Variants in NLGN1 observed in about 807,000 individuals in gnomAD.
NLGN1 encodes the protein neuroligin-1.
A neutral mutation model predicts 65.5 loss-of-function variants in NLGN1; 12 were observed. That is an observed-to-expected ratio of 0.18 (90% confidence interval 0.12 to 0.30). The LOEUF (loss-of-function observed/expected upper bound fraction) is 0.30. NLGN1 is among the 10% of genes least tolerant of loss of function. The pLI, the probability that NLGN1 is intolerant of heterozygous loss-of-function variation, is 1.00. For synonymous variants in NLGN1, 350 were observed against 359.5 expected (o/e 0.97, Z 0.30); for missense variants, 750 against 1,007.1 (o/e 0.74, Z 3.46).
At chr3:173,663,873 T>C (rs1005673580) in intron 3 of NLGN1, among the ~76,000 whole-genome samples, 4 of 151,282 alleles carry the variant, frequency 2.6e-5, no homozygotes, top group African/African-American at 9.7e-5. Flanking sequence ...TTTTTTTTTT[T>C]CCATTATGAG....
At chr3:173,710,628 A>G (rs1483414772) in intron 3 of NLGN1, among the ~76,000 whole-genome samples, 1 of 152,188 alleles carries the variant, frequency 6.6e-6, no homozygotes, top group African/African-American at 2.4e-5. Flanking sequence ...CTTTGATAGC[A>G]TGGGTTTTGT....
chr3:173,779,505 T>A (rs1482620191), intron 3 of NLGN1, among the ~76,000 whole-genome samples: 1 of 152,024 alleles, frequency 6.6e-6, no homozygotes, highest in Non-Finnish European at 1.5e-5. Flanking sequence ...TTAACAAAAT[T>A]TTACGGAGTC....
intron 2 of NLGN1, among the ~76,000 whole-genome samples, chr3:173,598,542 C>T (rs575343656): frequency 1.3e-5 from 2 of 152,104 alleles, no homozygotes; most frequent in Non-Finnish European, 2.9e-5. Flanking sequence ...CTGCTAGGAA[C>T]GTGTAATGGC....
chr3:173,453,986 A>G (rs1722086921), intron 2 of NLGN1, among the ~76,000 whole-genome samples: 1 of 152,228 alleles, frequency 6.6e-6, no homozygotes, highest in Non-Finnish European at 1.5e-5. Flanking sequence ...AAATAATAAG[A>G]CTTGAAAGTT....
chr3:173,424,262 G>T (rs1207451589), intron 1 of NLGN1, among the ~76,000 whole-genome samples: 2 of 152,162 alleles, frequency 1.3e-5, no homozygotes, highest in East Asian at 3.9e-4. Flanking sequence ...GTCATGGGAG[G>T]GGCTGCTCTG....
At chr3:173,792,630 C>G (rs1244590777) in intron 3 of NLGN1, among the ~76,000 whole-genome samples, 1 of 151,402 alleles carries the variant, frequency 6.6e-6, no homozygotes, top group African/African-American at 2.4e-5. Context: ...GCACAAGACT[C>G]ACAATAAAAA....
intron 4 of NLGN1, among the ~76,000 whole-genome samples, chr3:173,823,919 TAA>T (rs5854540): frequency 9.2e-4 from 136 of 148,454 alleles, no homozygotes; most frequent in East Asian, 4.1e-3. Flanking sequence ...CTTGTTAATT[TAA>T]AAAAAAAAAA....
intron 4 of NLGN1, among the ~76,000 whole-genome samples, chr3:174,234,766 A>G (rs775217799): frequency 2.0e-5 from 3 of 152,184 alleles, no homozygotes; most frequent in Non-Finnish European, 4.4e-5. Context: ...TAGTGAAACA[A>G]AAGCATATGA....
intron 2 of NLGN1, among the ~76,000 whole-genome samples, chr3:173,570,329 T>TA (rs1744443678): frequency 6.6e-6 from 1 of 152,190 alleles, no homozygotes; most frequent in South Asian, 2.1e-4. Context: ...AAGCCACAAG[T>TA]AGCGCAGCAT....
chr3:174,070,426 G>A (rs965283000), intron 4 of NLGN1, among the ~76,000 whole-genome samples: 1 of 151,714 alleles, frequency 6.6e-6, no homozygotes, highest in Non-Finnish European at 1.5e-5. Flanking sequence ...CTGCTTCCTG[G>A]GTTCAAGTGA....
chr3:173,620,555 G>C (rs1753831161), intron 3 of NLGN1, among the ~76,000 whole-genome samples: 2 of 151,956 alleles, frequency 1.3e-5, no homozygotes, highest in Non-Finnish European at 1.5e-5. Context: ...AGGAGAAAAA[G>C]GGGGAAAGGC....
intron 2 of NLGN1, among the ~76,000 whole-genome samples, chr3:173,467,083 G>C (rs965868101): frequency 1.3e-5 from 2 of 152,032 alleles, no homozygotes; most frequent in African/African-American, 4.8e-5. Context: ...GAGGAAACCA[G>C]TGTTATCAAG....
In NLGN1 at chr3:173,752,561, T is replaced by C. The variant is rs542599902; in HGVS notation, c.494-55119T>C. 2.1e-4 allele frequency among the ~76,000 whole-genome samples: 32 copies of C among 152,244 alleles called. 1 individual carries two copies. The South Asian group carries it at 6.2e-3, about 30-fold the overall frequency. On this transcript the variant is annotated intron_variant, in intron 3 of 6. Transcript: ENST00000457714. ...TCATAGCATTAATACTTCTTTCCTTTGTTTAAAAAGCTTAAAGTCCATCTT... is the reference window on the plus strand; with the variant it reads ...TCATAGCATTAATACTTCTTTCCTTCGTTTAAAAAGCTTAAAGTCCATCTT...
intron 3 of NLGN1, among the ~76,000 whole-genome samples, chr3:173,773,127 A>C (rs1375548373): frequency 6.6e-6 from 1 of 152,074 alleles, no homozygotes; most frequent in Non-Finnish European, 1.5e-5. Context: ...GCCATAACCC[A>C]CTTCAGTCAA....
chr3:173,436,014 A>T (rs1553849474), intron 2 of NLGN1, among the ~76,000 whole-genome samples: 1 of 152,134 alleles, frequency 6.6e-6, no homozygotes, highest in Non-Finnish European at 1.5e-5. Flanking sequence ...TAAACCCCAA[A>T]CCAAACTGAT....
rs547104476 is a variant in NLGN1 at position 173,467,450 on chromosome 3, A to G, written c.-321+32372A>G. Among the ~76,000 whole-genome samples the G allele has an allele frequency of 2.5e-4, 38 of 152,286 alleles. No homozygotes were observed. The South Asian group carries it at 7.5e-3, about 30-fold the overall frequency. ...AAAGATAAGGTTATTGTTTTAGACA[A>G]TTAATGAAGTTGGTCAAATTTTAGT... On this transcript the variant is annotated intron_variant, in intron 2 of 6. Coordinates refer to ENST00000457714, the Ensembl canonical transcript of NLGN1.
intron 4 of NLGN1, among the ~76,000 whole-genome samples, chr3:173,826,939 A>C (rs1293154806): frequency 6.6e-6 from 1 of 152,106 alleles, no homozygotes; most frequent in Non-Finnish European, 1.5e-5. Context: ...ACAAATAAAC[A>C]AAACAGAAAC....
intron 4 of NLGN1, among the ~76,000 whole-genome samples, chr3:173,981,677 T>A (rs1265423773): frequency 1.3e-5 from 2 of 151,532 alleles, no homozygotes; most frequent in Non-Finnish European, 2.9e-5. Context: ...TATAGAGAAA[T>A]ATCTTATACC....
chr3:173,615,365 A>T (rs900899820), intron 3 of NLGN1, among the ~76,000 whole-genome samples: 2 of 152,098 alleles, frequency 1.3e-5, no homozygotes. Context: ...TGGGAAAGAG[A>T]TGTTCTTTGC....
Sources: gnomAD v4.1 joint callset for allele counts (sites outside exome capture counted in the v4.1 genomes callset) on GRCh38, gnomAD v4.1.1 for gene constraint, MANE v1.5 for transcripts, NCBI Gene and HGNC (gene_info 2026-07-23, HGNC 2026-07-21) for gene names.